The following RAP2A variants were observed in gnomAD, a reference collection of about 807,000 sequenced individuals.
RAP2A encodes RAP2A, member of RAS oncogene family.
Under a neutral mutation model 15.1 loss-of-function variants are expected in RAP2A, and 5 were observed. The observed-to-expected ratio is 0.33, with a 90% CI of 0.17 to 0.70. RAP2A has a LOEUF of 0.70. RAP2A is among the 30% of genes least tolerant of loss of function. The probability of loss-of-function intolerance (pLI) is 0.68; values close to 1 mark genes in which losing one functional copy is unlikely to be tolerated. For missense variants in RAP2A, 111 were observed against 240.3 expected, an observed-to-expected ratio of 0.46 and a Z score of 3.56; for synonymous variants, 110 against 99.7, an observed-to-expected ratio of 1.10 and a Z score of -0.62.
At chr13:97,435,318 TATTAA>T (rs1404027491) in intron 1 of RAP2A, among the ~76,000 whole-genome samples, 1 of 152,122 alleles carries the variant, frequency 6.6e-6, no homozygotes, top group East Asian at 1.9e-4. Context: ...AAAGACAGAT[TATTAA>T]ATTATTTGAA....
chr13:97,463,782 A>G (rs930238132), intron 1 of RAP2A, among the ~76,000 whole-genome samples: 3 of 152,168 alleles, frequency 2.0e-5, no homozygotes, highest in East Asian at 1.9e-4. Context: ...GATCAATTTT[A>G]TACACATAGA....
intron 1 of RAP2A, 86 bp from the exon 2 acceptor site, chr13:97,464,119 A>C: frequency 1.7e-6 from 2 of 1,167,632 alleles, no homozygotes; most frequent in Non-Finnish European, 1.3e-6. Flanking sequence ...ATGTTGGAAT[A>C]GCCCCCAAAA....
At chr13:97,446,658 GAGCTACCACATAGGAAGTCC>G (rs2066680899) in intron 1 of RAP2A, among the ~76,000 whole-genome samples, 1 of 152,144 alleles carries the variant, frequency 6.6e-6, no homozygotes, top group Non-Finnish European at 1.5e-5. Flanking sequence ...TTGAAGCCCT[GAGCTACCACATAGGAAGTCC>G]AGCTATGCTG....
chr13:97,442,391 T>C (rs1311458190), intron 1 of RAP2A, among the ~76,000 whole-genome samples: 1 of 152,138 alleles, frequency 6.6e-6, no homozygotes, highest in Non-Finnish European at 1.5e-5. Flanking sequence ...TTATAATTTT[T>C]ATTTTTAAAT....
At chr13:97,436,263 G>A (rs1247359747) in intron 1 of RAP2A, 1 of 151,646 alleles carries the variant, frequency 6.6e-6, no homozygotes, top group South Asian at 2.1e-4. Flanking sequence ...GAACAATTCT[G>A]GTGTTAAACT....
At position 97,467,154 on chromosome 13, in the gene RAP2A, T is replaced by C. The variant is rs1286380256; in HGVS notation, c.*2712T>C. 2.6e-5 allele frequency: 4 copies of C among 152,628 alleles called. No individual in the cohort carries two copies. The allele number at this position is 152,628 out of a possible 1,614,324, so 9.5% of individuals were successfully genotyped here. A position where few individuals can be genotyped will look rare whatever the true frequency, so the allele number is the denominator to read the frequency against. On this transcript the variant is annotated 3_prime_UTR_variant, in exon 2 of 2. Coordinates refer to ENST00000245304, the MANE Select transcript of RAP2A (RefSeq NM_021033.7). ...TCTTGTGATAAGATTTTCTTTTTTT[T>C]ACTTTTATACAAAGGCAGCATCTTT...
At chr13:97,460,275 C>G (rs1263676153) in intron 1 of RAP2A, among the ~76,000 whole-genome samples, 1 of 152,166 alleles carries the variant, frequency 6.6e-6, no homozygotes, top group Non-Finnish European at 1.5e-5. Context: ...GCCTGTTGGA[C>G]GTTATTCTTA....
At chr13:97,440,938 C>T (rs1185733207) in intron 1 of RAP2A, among the ~76,000 whole-genome samples, 3 of 152,158 alleles carry the variant, frequency 2.0e-5, no homozygotes, top group African/African-American at 7.2e-5. Context: ...CTGGGACTTA[C>T]TTATCTTGCA....
chr13:97,461,035 C>T (rs2066744332), intron 1 of RAP2A, among the ~76,000 whole-genome samples: 1 of 152,220 alleles, frequency 6.6e-6, no homozygotes, highest in African/African-American at 2.4e-5. Flanking sequence ...GGGAAAGAAG[C>T]AAGCACCCTC....
chr13:97,439,134 C>A (rs1404324470), intron 1 of RAP2A, among the ~76,000 whole-genome samples: 1 of 151,976 alleles, frequency 6.6e-6, no homozygotes, highest in Non-Finnish European at 1.5e-5. Flanking sequence ...AGCAGACTGG[C>A]CAAATGGGGA....
At chr13:97,458,782 A>T (rs2066734624) in intron 1 of RAP2A, among the ~76,000 whole-genome samples, 1 of 152,140 alleles carries the variant, frequency 6.6e-6, no homozygotes, top group South Asian at 2.1e-4. Context: ...GGAGAAAGCA[A>T]AATAAAGTAT....
intron 1 of RAP2A, among the ~76,000 whole-genome samples, chr13:97,461,431 A>G (rs562057225): frequency 5.6e-4 from 85 of 152,340 alleles, no homozygotes; most frequent in African/African-American, 2.0e-3. Flanking sequence ...GTCCTCTGAT[A>G]CTGACTGCAT....
intron 1 of RAP2A, among the ~76,000 whole-genome samples, chr13:97,444,983 G>A (rs921815573): frequency 1.3e-5 from 2 of 152,090 alleles, no homozygotes; most frequent in African/African-American, 2.4e-5. Context: ...AGCAAAATTC[G>A]TGTCACAAAT....
Position 97,445,142 on chromosome 13 carries a change from G to A in RAP2A, c.314+10358G>A, listed in dbSNP as rs149060277. The stretch of plus-strand genomic sequence containing the variant: ...CCCCACCTCTTCATTCTATCACATT[G>A]GGGATTAAATTTCAACATATGAATT... On this transcript the variant is annotated intron_variant, in intron 1 of 1. Transcript: ENST00000245304. 4.4e-4 allele frequency among the ~76,000 whole-genome samples: 67 copies of A among 152,232 alleles called. 3 individuals carry two copies. The East Asian group carries it at 0.013, about 29-fold the overall frequency.
At chr13:97,459,061 C>A (rs762759176) in intron 1 of RAP2A, among the ~76,000 whole-genome samples, 7 of 152,082 alleles carry the variant, frequency 4.6e-5, no homozygotes, top group African/African-American at 1.2e-4. Context: ...AATTATTAGA[C>A]CTGCATCAGT....
rs922725979 is a variant in RAP2A at position 97,467,434 on chromosome 13, T to C, written c.*2992T>C. On this transcript the variant is annotated 3_prime_UTR_variant, in exon 2 of 2. Transcript: ENST00000245304. ...CCTTTCTGTGGTAATACTACTGATATTTGCTTTTCTATATAAAGAAATGTT... is the reference window on the plus strand; with the variant it reads ...CCTTTCTGTGGTAATACTACTGATACTTGCTTTTCTATATAAAGAAATGTT... The C allele has an allele frequency of 3.3e-5, 5 of 152,604 alleles. No individual in the cohort carries two copies. Among genetic ancestry groups the C allele is most frequent in the African/African-American group, 4.8e-5 (2 of 41,466 alleles). The allele number at this position is 152,604 out of a possible 1,614,324, so 9.5% of individuals were successfully genotyped here.
In RAP2A at chr13:97,467,887, C is replaced by G. The variant is rs1056675363; in HGVS notation, c.*3445C>G. The stretch of plus-strand genomic sequence containing the variant: ...TTTTGTAACAATGTCAGTTGTTAAA[C>G]CTTGACATTTCAATTAAAACATGAA... On this transcript the variant is annotated 3_prime_UTR_variant, in exon 2 of 2. Coordinates refer to ENST00000245304, the MANE Select transcript of RAP2A (RefSeq NM_021033.7). The G allele has an allele frequency of 6.6e-6, 1 of 152,478 alleles. No individual in the cohort carries two copies. Among genetic ancestry groups the G allele is most frequent in the Admixed American group, 6.5e-5 (1 of 15,270 alleles). The allele number at this position is 152,478 out of a possible 1,614,324, so 9.4% of individuals were successfully genotyped here.
intron 1 of RAP2A, among the ~76,000 whole-genome samples, chr13:97,447,720 G>C (rs2066685354): frequency 6.6e-6 from 1 of 152,166 alleles, no homozygotes; most frequent in African/African-American, 2.4e-5. Context: ...TGACATTTTT[G>C]TTACTCCAGA....
chr13:97,436,578 ATAT>A (rs1724875288), intron 1 of RAP2A, among the ~76,000 whole-genome samples: 1 of 152,200 alleles, frequency 6.6e-6, no homozygotes, highest in Non-Finnish European at 1.5e-5. Context: ...ATATGGCAAA[ATAT>A]TATTGGATAA....
Sources: gnomAD v4.1 joint callset for allele counts (sites outside exome capture counted in the v4.1 genomes callset) on GRCh38, gnomAD v4.1.1 for gene constraint, MANE v1.5 for transcripts, NCBI Gene and HGNC (gene_info 2026-07-23, HGNC 2026-07-21) for gene names.